ZNF714: variants seen among roughly 807,000 people sequenced by gnomAD.
The protein encoded by ZNF714 is zinc finger protein 714.
A neutral mutation model predicts 46.2 loss-of-function variants in ZNF714; 32 were observed. That is an observed-to-expected ratio of 0.69 (90% CI 0.52 to 0.93). The LOEUF (loss-of-function observed/expected upper bound fraction) is 0.93. ZNF714 is among the 40% of genes least tolerant of loss of function. The pLI, the probability that ZNF714 is intolerant of heterozygous loss-of-function variation, is 0.00. For missense variants in ZNF714, 635 were observed against 646.3 expected (o/e 0.98, Z 0.19); for synonymous variants, 199 against 213.1 (o/e 0.93, Z 0.58).
chr19:21,123,562 A>G lies in ZNF714; in HGVS notation c.*5230A>G, dbSNP rs1462872051. ...AGTAGAGACGGGATTTCACCATGTT[A>G]GCCAGGATGGTCTCAATCTCCTGAC... is the stretch of plus-strand genomic sequence containing the variant. On this transcript the variant is annotated 3_prime_UTR_variant, in exon 5 of 5. Transcript: ENST00000456283. 2.6e-5 allele frequency among the ~76,000 whole-genome samples: 4 copies of G among 151,996 alleles called. No individual in the cohort carries two copies. Among genetic ancestry groups the G allele is most frequent in the African/African-American group, 9.7e-5 (4 of 41,398 alleles).
At chr19:21,097,779 G>GAA (rs797014916) in intron 2 of ZNF714, among the ~76,000 whole-genome samples, 3 of 135,496 alleles carry the variant, frequency 2.2e-5, no homozygotes, top group Non-Finnish European at 1.6e-5. Context: ...ATCTTCTGGG[G>GAA]AAAAAAAAAA....
chr19:21,095,701 G>A (rs566720712), intron 2 of ZNF714, among the ~76,000 whole-genome samples: 12 of 152,010 alleles, frequency 7.9e-5, no homozygotes, highest in South Asian at 2.1e-4. Context: ...TGATCCGCCC[G>A]CCTCAGCCTC....
intron 1 of ZNF714, among the ~76,000 whole-genome samples, chr19:21,083,031 AC>A (rs1434805418): frequency 3.9e-5 from 5 of 127,034 alleles, no homozygotes; most frequent in Non-Finnish European, 6.8e-5. Flanking sequence ...CTAAAAATGC[AC>A]CTCAGTTAGA....
chr19:21,098,751 C>G, intron 3 of ZNF714, 61 bp from the exon 4 acceptor site: 1 of 1,084,252 alleles, frequency 9.2e-7, no homozygotes, highest in Non-Finnish European at 1.3e-6. Context: ...TTACTGAGCA[C>G]AGTACTAGGT....
Position 21,098,846 on chromosome 19 carries a change from C to T in ZNF714, c.78C>T (p.Thr26=), listed in dbSNP as rs758824424. The change falls in exon 4 of 5, where the codon ACC becomes ACT. Residue 26 remains threonine, a synonymous_variant. Coordinates refer to ENST00000456283, the MANE Select transcript of ZNF714 (RefSeq NM_182515.4). ...GIAVSKQDPI[T]SLEQEKEPWN... ...CTGTCTCTAAGCAAGACCCGATCACCAGTCTAGAGCAAGAAAAAGAGCCCT... is the reference window on the plus strand; with the variant it reads ...CTGTCTCTAAGCAAGACCCGATCACTAGTCTAGAGCAAGAAAAAGAGCCCT... The T allele has an allele frequency of 6.2e-7, 1 of 1,610,288 alleles. No individual in the cohort carries two copies. Among genetic ancestry groups the T allele is most frequent in the Non-Finnish European group, 8.5e-7 (1 of 1,178,454 alleles).
intron 4 of ZNF714, among the ~76,000 whole-genome samples, chr19:21,114,899 A>T (rs573397050): frequency 1.3e-5 from 2 of 152,036 alleles, no homozygotes; most frequent in African/African-American, 4.8e-5. Context: ...ATTTTTCTCC[A>T]GTTACAAAGA....
At chr19:21,099,282 A>C (rs1969116239) in intron 4 of ZNF714, among the ~76,000 whole-genome samples, 1 of 151,766 alleles carries the variant, frequency 6.6e-6, no homozygotes, top group African/African-American at 2.4e-5. Flanking sequence ...GGGTTCGACG[A>C]TTTTCCTGCC....
chr19:21,085,689 A>G (rs1968760344), intron 2 of ZNF714, among the ~76,000 whole-genome samples: 1 of 152,142 alleles, frequency 6.6e-6, no homozygotes, highest in Non-Finnish European at 1.5e-5. Context: ...TCCCCTGCAG[A>G]TGTCCAGTCT....
chr19:21,088,568 C>T (rs1968838109), intron 2 of ZNF714, among the ~76,000 whole-genome samples: 1 of 151,996 alleles, frequency 6.6e-6, no homozygotes, highest in South Asian at 2.1e-4. Flanking sequence ...TTTTATTTTC[C>T]CAATGATCTT....
intron 2 of ZNF714, among the ~76,000 whole-genome samples, chr19:21,089,786 C>T (rs1185914907): frequency 1.3e-5 from 2 of 149,114 alleles, no homozygotes; most frequent in African/African-American, 4.9e-5. Flanking sequence ...ACTAACCTCA[C>T]AAATGCATCT....
intron 2 of ZNF714, among the ~76,000 whole-genome samples, chr19:21,089,707 C>G: frequency 6.6e-6 from 1 of 152,192 alleles, no homozygotes; most frequent in Admixed American, 6.5e-5. Flanking sequence ...AGGAACCCCT[C>G]TTAATGACAG....
At chr19:21,112,189 AT>A (rs1392777144) in intron 4 of ZNF714, among the ~76,000 whole-genome samples, 2 of 152,152 alleles carry the variant, frequency 1.3e-5, no homozygotes, top group Non-Finnish European at 2.9e-5. Flanking sequence ...CTCTGGTAGA[AT>A]TTAGCTATAA....
At chr19:21,098,452 C>A in intron 3 of ZNF714, 141 bp downstream of exon 3, 1 of 1,124,618 alleles carries the variant, frequency 8.9e-7, no homozygotes, top group Non-Finnish European at 1.3e-6. Flanking sequence ...GATGATTTGT[C>A]TCTGTAGAAA....
In ZNF714 at chr19:21,120,429, TGTAA is replaced by T. The variant is rs1969685974; in HGVS notation, c.*2100_*2103del. 1 of 152,310 alleles carries T rather than the reference TGTAA, an allele frequency of 6.6e-6. No individual in the cohort carries two copies. The highest frequency in any genetic ancestry group is 1.5e-5 in the Non-Finnish European group (1 of 68,034). The allele number at this position is 152,310 out of a possible 1,614,324, so 9.4% of individuals were successfully genotyped here. On this transcript the variant is annotated 3_prime_UTR_variant, in exon 5 of 5. Transcript: ENST00000456283. ...TAGAATGTAAGATGCATAATGAAAA[TGTAA>T]GTGGAGAGGTTCTTTGGGGTTAACT...
intron 2 of ZNF714, among the ~76,000 whole-genome samples, chr19:21,090,262 CAG>C (rs1281479202): frequency 1.3e-5 from 2 of 152,154 alleles, no homozygotes; most frequent in Non-Finnish European, 2.9e-5. Flanking sequence ...GCAAAGAGCT[CAG>C]GGGGCCAGAG....
intron 3 of ZNF714, among the ~76,000 whole-genome samples, 164 bp downstream of exon 3, chr19:21,098,475 A>G (rs1298079640): frequency 6.6e-6 from 1 of 152,156 alleles, no homozygotes; most frequent in African/African-American, 2.4e-5. Context: ...AATTTCTTCA[A>G]CATGTTTCAT....
intron 4 of ZNF714, among the ~76,000 whole-genome samples, chr19:21,114,639 A>G (rs745827839): frequency 2.0e-5 from 3 of 152,132 alleles, no homozygotes; most frequent in African/African-American, 7.2e-5. Context: ...CATTCAGCCT[A>G]TTACATTTAA....
In ZNF714 at chr19:21,119,421, A is replaced by G. The variant is rs992633025; in HGVS notation, c.*1089A>G. On this transcript the variant is annotated 3_prime_UTR_variant, in exon 5 of 5. Coordinates refer to ENST00000456283, the MANE Select transcript of ZNF714 (RefSeq NM_182515.4). ...AAAGTAAAAAAAAAAGAAAATATGA[A>G]CTTTACAGTGAAGAATATTTATTTT... is the stretch of plus-strand genomic sequence containing the variant. 2 of 171,126 alleles carry G rather than the reference A, an allele frequency of 1.2e-5. No individual in the cohort carries two copies. The highest frequency in any genetic ancestry group is 2.2e-4 in the South Asian group (2 of 8,890). The allele number at this position is 171,126 out of a possible 1,614,324, so 10.6% of individuals were successfully genotyped here.
rs867019449 is a variant in ZNF714, at chr19:21,100,988, T to C, written c.142+2078T>C. On this transcript the variant is annotated intron_variant, in intron 4 of 4. Transcript: ENST00000456283. ...CCCCCAAAAGTGCTGGGATTACAGG[T>C]GTGAGCCACCAAGCCCGGCTTTTTA... 3.9e-5 allele frequency among the ~76,000 whole-genome samples: 6 copies of C among 152,166 alleles called. No homozygotes were observed. In the South Asian group the frequency reaches 8.3e-4, roughly 21 times the overall value.
Sources: allele counts gnomAD v4.1 joint callset (sites outside exome capture counted in the v4.1 genomes callset), GRCh38; gene constraint gnomAD v4.1.1; transcripts MANE v1.5; gene names NCBI Gene and HGNC (gene_info 2026-07-23, HGNC 2026-07-21).